The following KDM7A variants were observed in gnomAD, a reference collection of about 807,000 sequenced individuals.
KDM7A encodes lysine demethylase 7A, also known as lysine-specific demethylase 7A.
Under a neutral mutation model 114.8 loss-of-function variants are expected in KDM7A, and 28 were observed. The ratio of observed to expected loss-of-function variants is 0.24; its 90% CI spans 0.18 to 0.33. The LOEUF (loss-of-function observed/expected upper bound fraction) is 0.33, where lower values mean the gene tolerates loss of function less well. Ranked by LOEUF, KDM7A falls within the 10% of genes least tolerant of loss-of-function variation. The probability of loss-of-function intolerance (pLI) is 1.00; values close to 1 mark genes in which losing one functional copy is unlikely to be tolerated. For missense variants in KDM7A, 942 were observed against 1,142.5 expected (o/e 0.82, Z 2.53); for synonymous variants, 423 against 397.8 (o/e 1.06, Z -0.75).
Position 140,098,974 on chromosome 7 carries a change from T to A in KDM7A, c.1823A>T (p.Glu608Val). The A allele has an allele frequency of 6.2e-7, 1 of 1,613,262 alleles. No individual in the cohort carries two copies. The change falls in exon 14 of 20, where the codon GAG (glutamate) becomes GTG (valine). Residue 608 changes from glutamate (E) to valine (V), a missense_variant. Physicochemically the swap from Glu to Val is moderately radical, Grantham distance 121 (BLOSUM62 -2). Around this residue, in one of 4 missense-constraint regions of KDM7A, gnomAD observed 512 missense variants for 576.6 expected, o/e 0.89. Coordinates refer to ENST00000397560, the MANE Select transcript of KDM7A (RefSeq NM_030647.2). Reference protein sequence around the residue: ...SLYTADSENEEDKRRTKKAKM... With the variant: ...SLYTADSENEVDKRRTKKAKM... ...TGCCTTTTTTGTCCTTCTTTTATCC[T>A]CTTCATTTTCACTATCTGCTGTATA...
At chr7:140,140,542 G>A (rs140213421) in intron 1 of KDM7A, among the ~76,000 whole-genome samples, 1,595 of 152,200 alleles carry the variant, frequency 0.01, 23 homozygotes, top group African/African-American at 0.037. Flanking sequence ...TTGGGAGGCC[G>A]AGGCGGGTGG....
intron 4 of KDM7A, among the ~76,000 whole-genome samples, 186 bp from the exon 5 acceptor site, chr7:140,127,769 T>C (rs1818729886): frequency 6.6e-6 from 1 of 152,162 alleles, no homozygotes. Flanking sequence ...AAAAGGGACA[T>C]TTTTCAGAGG....
At chr7:140,130,845 A>AT (rs1443974205) in intron 3 of KDM7A, among the ~76,000 whole-genome samples, 2 of 142,640 alleles carry the variant, frequency 1.4e-5, no homozygotes, top group African/African-American at 5.3e-5. Flanking sequence ...CCAGTATTTA[A>AT]TAAGTCTTTT....
At chr7:140,122,741 T>C (rs1442041398) in intron 7 of KDM7A, among the ~76,000 whole-genome samples, 2 of 152,348 alleles carry the variant, frequency 1.3e-5, no homozygotes, top group Non-Finnish European at 1.5e-5. Context: ...CTAAGGCTGA[T>C]ACTCAGTCCT....
At chr7:140,101,892 T>C in intron 12 of KDM7A, 59 bp downstream of exon 12, 1 of 1,107,158 alleles carries the variant, frequency 9.0e-7, no homozygotes, top group South Asian at 1.3e-5. Flanking sequence ...TTATTATCCC[T>C]ATAAAGACTT....
At chr7:140,100,660 T>TTATATATATATATATATACATATATATA (rs1818185318) in intron 12 of KDM7A, among the ~76,000 whole-genome samples, 10 of 111,284 alleles carry the variant, frequency 9.0e-5, no homozygotes, top group South Asian at 3.2e-4. Context: ...TTTTAAAAAG[T>TTATATATATATATATATACATATATATA]TATATATATA....
At chr7:140,141,669 G>A (rs556323005) in intron 1 of KDM7A, among the ~76,000 whole-genome samples, 70 of 151,952 alleles carry the variant, frequency 4.6e-4, no homozygotes, top group South Asian at 4.2e-4. Context: ...CGAGGTGGGC[G>A]GATCACTTGA....
At chr7:140,165,870 C>T (rs1794568895) in intron 1 of KDM7A, among the ~76,000 whole-genome samples, 1 of 152,124 alleles carries the variant, frequency 6.6e-6, no homozygotes, top group Non-Finnish European at 1.5e-5. Flanking sequence ...TGTTGAGTTC[C>T]TAAGCTCTAT....
At chr7:140,141,909 T>C (rs1794286297) in intron 1 of KDM7A, among the ~76,000 whole-genome samples, 1 of 150,838 alleles carries the variant, frequency 6.6e-6, no homozygotes, top group Admixed American at 6.6e-5. Flanking sequence ...AAAAGAAAGA[T>C]ATATATCTTT....
intron 13 of KDM7A, 126 bp from the exon 14 acceptor site, chr7:140,099,159 C>T (rs1489736892): frequency 1.0e-5 from 8 of 775,138 alleles, no homozygotes; most frequent in Non-Finnish European, 1.6e-5. Flanking sequence ...TTTCATTCAA[C>T]TGTGCAATAG....
chr7:140,123,117 C>T (rs1388095134), intron 7 of KDM7A, among the ~76,000 whole-genome samples: 3 of 152,188 alleles, frequency 2.0e-5, no homozygotes, highest in Non-Finnish European at 4.4e-5. Context: ...AGCATCATTA[C>T]TCATTAAGGA....
At chr7:140,132,016 GAAT>G (rs1267019233) in intron 3 of KDM7A, among the ~76,000 whole-genome samples, 3 of 152,104 alleles carry the variant, frequency 2.0e-5, no homozygotes, top group Non-Finnish European at 4.4e-5. Context: ...CCCATTTTAA[GAAT>G]ATTATGTATA....
At chr7:140,144,646 T>TA (rs2116828133) in intron 1 of KDM7A, among the ~76,000 whole-genome samples, 1 of 151,828 alleles carries the variant, frequency 6.6e-6, no homozygotes, top group Admixed American at 6.6e-5. Context: ...AGAAACACAA[T>TA]AAGATTGCTA....
chr7:140,119,988 C>T (rs1020548116), intron 8 of KDM7A, among the ~76,000 whole-genome samples: 3 of 152,132 alleles, frequency 2.0e-5, no homozygotes, highest in Admixed American at 6.5e-5. Context: ...AAGAGAGTTA[C>T]GCAAAGGTCA....
intron 2 of KDM7A, among the ~76,000 whole-genome samples, chr7:140,134,134 A>C (rs915506378): frequency 6.6e-6 from 1 of 152,174 alleles, no homozygotes; most frequent in African/African-American, 2.4e-5. Flanking sequence ...GCACAGTTAC[A>C]CTGACATAAA....
In KDM7A at chr7:140,095,139, C is replaced by T. The variant is rs150772116; in HGVS notation, c.2375-1001G>A. ...CTGGGATTACTGGCGTGAACCACTG[C>T]GCCCAGTGATCTAGAATCAAATTCC... On this transcript the variant is annotated intron_variant, in intron 17 of 19. Transcript: ENST00000397560. Among the ~76,000 whole-genome samples, 711 of 152,302 alleles carry T rather than the reference C, an allele frequency of 4.7e-3. 8 individuals are homozygous for T. Among genetic ancestry groups the T allele is most frequent in the African/African-American group, 0.016 (650 of 41,554 alleles).
chr7:140,092,066 T>A lies in KDM7A; in HGVS notation c.2469A>T (p.Arg823Ser). 1 of 1,614,142 alleles carries A rather than the reference T, an allele frequency of 6.2e-7. No homozygotes were observed. The highest frequency in any genetic ancestry group is 8.5e-7 in the Non-Finnish European group (1 of 1,179,996). Residue 823 changes from arginine (R) to serine (S), a missense_variant, in exon 19 of 20, where the codon AGA becomes AGT. By Grantham distance (110) the Arg-to-Ser change is moderately radical (BLOSUM62 -1). Coordinates refer to ENST00000397560, the MANE Select transcript of KDM7A (RefSeq NM_030647.2). ...CTTCCTTTCTGATGCATTTCTGGCTTCTACTTAGATCCTGAAGGAGGAGGA... is the reference window on the plus strand; with the variant it reads ...CTTCCTTTCTGATGCATTTCTGGCTACTACTTAGATCCTGAAGGAGGAGGA... ...TSRFHPQDLS[R>S]SQKCIRKEGS...
intron 13 of KDM7A, 47 bp from the exon 14 acceptor site, chr7:140,099,080 A>G: frequency 7.1e-7 from 1 of 1,405,084 alleles, no homozygotes; most frequent in South Asian, 1.2e-5. Context: ...AAGACTCTGT[A>G]GCCAAACAGT....
intron 17 of KDM7A, 62 bp downstream of exon 17, chr7:140,096,493 T>C (rs1818111617): frequency 2.4e-6 from 3 of 1,237,616 alleles, no homozygotes; most frequent in African/African-American, 1.5e-5. Context: ...ATGAGGATTA[T>C]TGAGCCATTA....
Sources: allele counts gnomAD v4.1 joint callset (sites outside exome capture counted in the v4.1 genomes callset), GRCh38; gene constraint gnomAD v4.1.1; regional missense constraint gnomAD v4.1.1; transcripts MANE v1.5; gene names NCBI Gene and HGNC (gene_info 2026-07-23, HGNC 2026-07-21).